The following ELMO1 variants were observed in gnomAD, a reference collection of about 807,000 sequenced individuals.
The protein encoded by ELMO1 is engulfment and cell motility protein 1.
In ELMO1, 26 loss-of-function variants were observed where a neutral mutation model predicts 98.9. The ratio of observed to expected loss-of-function variants is 0.26; its 90% CI spans 0.19 to 0.36. The LOEUF is 0.36. Among genes scored for constraint, ELMO1 ranks in the 10% least tolerant of loss-of-function variants. The pLI, the probability that ELMO1 is intolerant of heterozygous loss-of-function variation, is 1.00. For synonymous variants in ELMO1, 346 were observed against 346.0 expected, an observed-to-expected ratio of 1.00 and a Z score of 0.00; for missense variants, 627 against 935.2, an observed-to-expected ratio of 0.67 and a Z score of 4.30.
chr7:37,229,814 T>C (rs1422250995), intron 8 of ELMO1, among the ~76,000 whole-genome samples: 1 of 152,234 alleles, frequency 6.6e-6, no homozygotes, highest in Non-Finnish European at 1.5e-5. Context: ...GGACATGAAA[T>C]AGATTAAATG....
chr7:37,090,825 T>C (rs114224032), intron 15 of ELMO1, among the ~76,000 whole-genome samples: 3,324 of 152,308 alleles, frequency 0.022, 112 homozygotes, highest in African/African-American at 0.075. Context: ...AAATGTTTTA[T>C]AATCATTTAT....
At chr7:37,191,015 C>T (rs543013888) in intron 13 of ELMO1, among the ~76,000 whole-genome samples, 1 of 151,330 alleles carries the variant, frequency 6.6e-6, no homozygotes, top group African/African-American at 2.4e-5. Context: ...CGGTGAAACC[C>T]CATCTCTACT....
At chr7:37,205,160 C>G (rs1402659933) in intron 13 of ELMO1, among the ~76,000 whole-genome samples, 1 of 152,236 alleles carries the variant, frequency 6.6e-6, no homozygotes, top group Admixed American at 6.5e-5. Flanking sequence ...ATTCTCCTCT[C>G]CATAGTTTAC....
chr7:37,041,900 A>G (rs1408594824), intron 15 of ELMO1, among the ~76,000 whole-genome samples: 1 of 152,196 alleles, frequency 6.6e-6, no homozygotes, highest in Non-Finnish European at 1.5e-5. Flanking sequence ...CTTGTCGCTA[A>G]TTACACTTTC....
intron 13 of ELMO1, among the ~76,000 whole-genome samples, chr7:37,191,366 AAAAC>A (rs1156849912): frequency 1.3e-5 from 2 of 152,236 alleles, no homozygotes; most frequent in African/African-American, 2.4e-5. Context: ...GTAGTTAGAA[AAAAC>A]AAACAAAAAT....
intron 16 of ELMO1, among the ~76,000 whole-genome samples, chr7:36,910,683 C>A (rs1461611977): frequency 6.6e-6 from 1 of 152,128 alleles, no homozygotes; most frequent in Non-Finnish European, 1.5e-5. Context: ...CAGTGCAGAC[C>A]TTGCACTGTA....
chr7:37,120,563 C>T (rs1050508903), intron 14 of ELMO1, among the ~76,000 whole-genome samples: 1 of 152,206 alleles, frequency 6.6e-6, no homozygotes, highest in Admixed American at 6.5e-5. Context: ...TTCAACGCGG[C>T]AGCGAGTCTA....
intron 5 of ELMO1, among the ~76,000 whole-genome samples, chr7:37,262,329 G>A (rs996402385): frequency 1.3e-5 from 2 of 152,248 alleles, no homozygotes; most frequent in Admixed American, 1.3e-4. Flanking sequence ...TTACCAAGAT[G>A]GTCACATGTA....
At chr7:37,289,132 T>A (rs1363655680) in intron 4 of ELMO1, among the ~76,000 whole-genome samples, 1 of 152,212 alleles carries the variant, frequency 6.6e-6, no homozygotes, top group Non-Finnish European at 1.5e-5. Context: ...ATATCAAATG[T>A]GTTCATCAAA....
chr7:37,426,255 G>A (rs926687321), intron 1 of ELMO1, among the ~76,000 whole-genome samples: 1 of 145,130 alleles, frequency 6.9e-6, no homozygotes, highest in Non-Finnish European at 1.5e-5. Context: ...CTGGGCTCAA[G>A]CGATTCTCCT....
chr7:37,065,750 G>A (rs1406825431), intron 15 of ELMO1, among the ~76,000 whole-genome samples: 1 of 152,118 alleles, frequency 6.6e-6, no homozygotes, highest in Non-Finnish European at 1.5e-5. Flanking sequence ...GAAAACGCTC[G>A]TGCTAGTGGA....
In ELMO1 at chr7:37,440,542, G is replaced by A. The variant is rs966947319; in HGVS notation, c.-74+8133C>T. On this transcript the variant is annotated intron_variant, in intron 1 of 21. Transcript: ENST00000310758. Reference sequence around the variant, plus strand: ...TCCCAGCATTTTGGGAGGCTGAGGCGGGTGGATCACGAGGTCAGGAGTTTG... The same window carrying A: ...TCCCAGCATTTTGGGAGGCTGAGGCAGGTGGATCACGAGGTCAGGAGTTTG... Among the ~76,000 whole-genome samples the A allele has an allele frequency of 7.9e-5, 12 of 151,754 alleles. No homozygotes were observed. In the South Asian group the frequency reaches 8.3e-4, roughly 11 times the overall value.
chr7:36,943,000 T>A (rs555951704), intron 16 of ELMO1, among the ~76,000 whole-genome samples: 82 of 152,306 alleles, frequency 5.4e-4, no homozygotes, highest in African/African-American at 1.9e-3. Flanking sequence ...CACCTTCAGA[T>A]CATGGTCACG....
rs1041433452 is a variant in ELMO1, at chr7:36,855,790, C to T, written c.1984-39G>A. 1 of 1,609,948 alleles carries T rather than the reference C, an allele frequency of 6.2e-7. No individual in the cohort carries two copies. The highest frequency in any genetic ancestry group is 8.5e-7 in the Non-Finnish European group (1 of 1,176,792). The stretch of plus-strand genomic sequence containing the variant: ...AGGCAACAGCGATCATTACTGGTGG[C>T]AATTACAGAAGTATTAATAGTAAAA... On this transcript the variant is annotated intron_variant, in intron 21 of 21. Transcript: ENST00000310758. This position sits in a 1 kb window ranked among gnomAD's most constrained non-coding sequence, Gnocchi z 4.2.
rs1793784236 is a variant in ELMO1, at chr7:37,224,958, T to C, written c.622A>G (p.Met208Val). ...LQRSLAILES[M>V]VLNSHDLYQK... ...TAGAGGTCATGGCTATTGAGCACCA[T>C]CGACTCCAAAATGGCCAAGGACCGC... is the stretch of plus-strand genomic sequence containing the variant. The change falls in exon 9 of 22, where the codon ATG (methionine) becomes GTG (valine). Residue 208 changes from methionine to valine, a missense_variant. Transcript: ENST00000310758. 2.5e-6 allele frequency: 4 copies of C among 1,613,970 alleles called. No individual in the cohort carries two copies. Among genetic ancestry groups the C allele is most frequent in the African/African-American group, 1.3e-5 (1 of 74,894 alleles).
At chr7:37,110,706 G>T (rs1481938407) in intron 14 of ELMO1, among the ~76,000 whole-genome samples, 1 of 152,128 alleles carries the variant, frequency 6.6e-6, no homozygotes, top group Non-Finnish European at 1.5e-5. Flanking sequence ...TCATGGGAAA[G>T]AAAAATCCAC....
intron 15 of ELMO1, 69 bp downstream of exon 15, chr7:37,096,550 G>A: frequency 7.4e-7 from 1 of 1,347,970 alleles, no homozygotes; most frequent in Non-Finnish European, 1.1e-6. Context: ...CTTCACACAG[G>A]TAGGGGCACA....
intron 16 of ELMO1, among the ~76,000 whole-genome samples, chr7:36,932,839 T>C (rs1786158415): frequency 6.6e-6 from 1 of 152,182 alleles, no homozygotes; most frequent in Non-Finnish European, 1.5e-5. Context: ...CCAAGCTCAG[T>C]GCCCGGGACA....
rs1562999358 is a variant in ELMO1, at chr7:37,098,421, CAG to C, written c.1192-1696_1192-1695del. On this transcript the variant is annotated intron_variant, in intron 14 of 21. Coordinates refer to ENST00000310758, the MANE Select transcript of ELMO1 (RefSeq NM_014800.11). ...TAACTTGTTGAGTGACAGAGAGTAA[CAG>C]GGAATGCTTGGGGAGGGGAGTTTAG... Among the ~76,000 whole-genome samples the C allele has an allele frequency of 2.0e-5, 3 of 152,130 alleles. No individual in the cohort carries two copies. The South Asian group carries it at 6.2e-4, about 31-fold the overall frequency.
Sources: gnomAD v4.1 joint callset for allele counts (sites outside exome capture counted in the v4.1 genomes callset) on GRCh38, gnomAD v4.1.1 for gene constraint, Gnocchi (gnomAD v3.1) non-coding constraint, MANE v1.5 for transcripts, NCBI Gene and HGNC (gene_info 2026-07-23, HGNC 2026-07-21) for gene names.